The following KCNAB1 variants were observed in gnomAD, a reference collection of about 807,000 sequenced individuals.
KCNAB1 encodes the protein potassium voltage-gated channel subfamily A regulatory beta subunit 1.
A neutral mutation model predicts 64.6 loss-of-function variants in KCNAB1; 35 were observed. The ratio of observed to expected loss-of-function variants is 0.54; its 90% CI spans 0.41 to 0.72. KCNAB1 has a LOEUF of 0.72. KCNAB1 is among the 30% of genes least tolerant of loss of function. The pLI is 0.00. For missense variants in KCNAB1, 401 were observed against 512.9 expected, an observed-to-expected ratio of 0.78 and a Z score of 2.11; for synonymous variants, 177 against 183.8, an observed-to-expected ratio of 0.96 and a Z score of 0.30.
At chr3:156,131,746 A>T (rs1191438149) in intron 1 of KCNAB1, among the ~76,000 whole-genome samples, 1 of 152,240 alleles carries the variant, frequency 6.6e-6, no homozygotes, top group East Asian at 1.9e-4. Context: ...CCTTGTTTCA[A>T]AAAAGAGAAA....
chr3:156,199,577 C>T (rs374056749), intron 1 of KCNAB1, among the ~76,000 whole-genome samples: 25 of 152,282 alleles, frequency 1.6e-4, no homozygotes, highest in African/African-American at 6.0e-4. Context: ...GATCTTCAGT[C>T]TCTGATATCC....
intron 1 of KCNAB1, among the ~76,000 whole-genome samples, chr3:156,156,324 A>G (rs1715718367): frequency 1.3e-5 from 2 of 151,594 alleles, no homozygotes; most frequent in South Asian, 2.1e-4. Context: ...GGTGGCTTCT[A>G]GTCTGAGTGA....
chr3:156,495,091 C>T lies in KCNAB1; in HGVS notation c.659-19273C>T, dbSNP rs547123129. On this transcript the variant is annotated intron_variant, in intron 8 of 13. Coordinates refer to ENST00000490337, the MANE Select transcript of KCNAB1 (RefSeq NM_172160.3). ...AGTGTGTCCATGTGTTCTCATCATT[C>T]GGCTCCCACTTATAAATAAGAACAC... Among the ~76,000 whole-genome samples the T allele has an allele frequency of 1.4e-4, 21 of 152,184 alleles. No individual in the cohort carries two copies. The East Asian group carries it at 1.9e-3, about 14-fold the overall frequency.
chr3:156,447,598 A>T (rs1711663680), intron 2 of KCNAB1, among the ~76,000 whole-genome samples: 1 of 152,226 alleles, frequency 6.6e-6, no homozygotes, highest in African/African-American at 2.4e-5. Context: ...TATAACCTTA[A>T]GATGATTTAG....
intron 11 of KCNAB1, among the ~76,000 whole-genome samples, chr3:156,519,464 G>A (rs1329050575): frequency 1.3e-5 from 2 of 152,090 alleles, no homozygotes; most frequent in Non-Finnish European, 2.9e-5. Context: ...TATTGCTAAA[G>A]ACAAAGCTTG....
At chr3:156,529,630 G>T (rs1175713306) in intron 12 of KCNAB1, among the ~76,000 whole-genome samples, 6 of 152,184 alleles carry the variant, frequency 3.9e-5, no homozygotes. Context: ...GTGTTTCACA[G>T]GCCCTCTGGA....
chr3:156,137,458 C>T (rs994811134), intron 1 of KCNAB1, among the ~76,000 whole-genome samples: 2 of 152,038 alleles, frequency 1.3e-5, no homozygotes. Context: ...GAGAAAATCT[C>T]GACTAACAGG....
In KCNAB1 at chr3:156,384,624, G is replaced by A. The variant is rs571268212; in HGVS notation, c.276-36992G>A. Reference sequence around the variant, plus strand: ...AAGGGAAATAAGGACCTTTCTAGAGGCAGGGATGGTTCATGTGGTAGGCAG... The same window carrying A: ...AAGGGAAATAAGGACCTTTCTAGAGACAGGGATGGTTCATGTGGTAGGCAG... On this transcript the variant is annotated intron_variant, in intron 1 of 13. Coordinates refer to ENST00000490337, the MANE Select transcript of KCNAB1 (RefSeq NM_172160.3). Among the ~76,000 whole-genome samples the A allele has an allele frequency of 7.2e-5, 11 of 152,370 alleles. No individual in the cohort carries two copies. In the East Asian group the frequency reaches 2.1e-3, roughly 29 times the overall value.
At chr3:156,407,870 G>A (rs1215357231) in intron 1 of KCNAB1, among the ~76,000 whole-genome samples, 2 of 152,210 alleles carry the variant, frequency 1.3e-5, no homozygotes, top group African/African-American at 4.8e-5. Flanking sequence ...AAAACAGGAT[G>A]AAATAAGTTC....
At chr3:156,220,992 G>A (rs749326700) in intron 1 of KCNAB1, among the ~76,000 whole-genome samples, 8 of 152,184 alleles carry the variant, frequency 5.3e-5, no homozygotes, top group Non-Finnish European at 1.0e-4. Flanking sequence ...CCCATTGCTT[G>A]TTTTTGTCAG....
At position 156,537,084 on chromosome 3, in the gene KCNAB1, T is replaced by A. The variant is rs755355330; in HGVS notation, c.*337T>A. On this transcript the variant is annotated 3_prime_UTR_variant, in exon 14 of 14. Transcript: ENST00000490337. ...GGTAACTCAAAGAAGGCTGTACAGA[T>A]ATATTTTTTCAAAAGAACAAAATCC... is the stretch of plus-strand genomic sequence containing the variant. 2.5e-6 allele frequency: 1 copy of A among 404,968 alleles called. No individual in the cohort carries two copies. Among genetic ancestry groups the A allele is most frequent in the Non-Finnish European group, 4.3e-6 (1 of 230,190 alleles). The allele number at this position is 404,968 out of a possible 1,614,324, so 25.1% of individuals were successfully genotyped here. A position where few individuals can be genotyped will look rare whatever the true frequency, so the allele number is the denominator to read the frequency against.
intron 13 of KCNAB1, among the ~76,000 whole-genome samples, chr3:156,532,039 C>T (rs1257299124): frequency 6.6e-6 from 1 of 152,174 alleles, no homozygotes; most frequent in Non-Finnish European, 1.5e-5. Flanking sequence ...AGGGTACTTA[C>T]TACATGTCCC....
intron 2 of KCNAB1, among the ~76,000 whole-genome samples, chr3:156,430,826 G>C (rs904475216): frequency 6.6e-6 from 1 of 152,148 alleles, no homozygotes; most frequent in Non-Finnish European, 1.5e-5. Flanking sequence ...AGGGCCCCTT[G>C]CGTCTCTCAC....
chr3:156,322,626 G>A (rs530112305), intron 1 of KCNAB1, among the ~76,000 whole-genome samples: 5 of 152,234 alleles, frequency 3.3e-5, no homozygotes, highest in South Asian at 2.1e-4. Flanking sequence ...CACAGAGACC[G>A]AGAGATGACT....
At chr3:156,523,724 ATTCAGAAAATC>A in intron 11 of KCNAB1, 92 bp from the exon 12 acceptor site, 2 of 1,164,986 alleles carry the variant, frequency 1.7e-6, no homozygotes, top group Admixed American at 4.4e-5. Context: ...GGGTCAAAAA[ATTCAGAAAATC>A]ATTATGAGGT....
intron 1 of KCNAB1, among the ~76,000 whole-genome samples, chr3:156,381,044 T>C (rs1712116442): frequency 6.6e-6 from 1 of 152,190 alleles, no homozygotes; most frequent in Non-Finnish European, 1.5e-5. Flanking sequence ...CCTGATTTAA[T>C]CATTCCACAC....
chr3:156,465,162 G>T (rs1713268029), intron 6 of KCNAB1, among the ~76,000 whole-genome samples: 1 of 152,272 alleles, frequency 6.6e-6, no homozygotes, highest in South Asian at 2.1e-4. Flanking sequence ...AGGAACATTT[G>T]CTTCATCACA....
intron 1 of KCNAB1, among the ~76,000 whole-genome samples, chr3:156,223,303 C>T (rs1185834685): frequency 6.6e-6 from 1 of 152,176 alleles, no homozygotes; most frequent in Non-Finnish European, 1.5e-5. Flanking sequence ...TGGAAGGGGA[C>T]CCAAGCAGGT....
At chr3:156,124,464 G>A (rs62284936) in intron 1 of KCNAB1, among the ~76,000 whole-genome samples, 16,462 of 151,944 alleles carry the variant, frequency 0.11, 1,050 homozygotes, top group South Asian at 0.29. Flanking sequence ...TGATCCGCCC[G>A]CCTTAGCCTC....
Sources: gnomAD v4.1 joint callset for allele counts (sites outside exome capture counted in the v4.1 genomes callset) on GRCh38, gnomAD v4.1.1 for gene constraint, MANE v1.5 for transcripts, NCBI Gene and HGNC (gene_info 2026-07-23, HGNC 2026-07-21) for gene names.